The following XPO4 variants were observed in gnomAD, a reference collection of about 807,000 sequenced individuals.
XPO4 encodes the protein exportin-4.
In XPO4, 39 loss-of-function variants were observed where a neutral mutation model predicts 143.0. The observed-to-expected ratio is 0.27, with a 90% confidence interval of 0.21 to 0.36. The LOEUF (loss-of-function observed/expected upper bound fraction) is 0.36. Ranked by LOEUF, XPO4 falls within the 10% of genes least tolerant of loss-of-function variation. The pLI is 1.00. For synonymous variants in XPO4, 439 were observed against 474.0 expected, an observed-to-expected ratio of 0.93 and a Z score of 0.96; for missense variants, 907 against 1,348.0, an observed-to-expected ratio of 0.67 and a Z score of 5.12.
In XPO4 at chr13:20,779,829, T is replaced by C. The variant is rs2059121185; in HGVS notation, c.*3893A>G. Reference sequence around the variant, plus strand: ...ATCAACAAAGCATACTTCATATATTTTATATCTAAATGAAAATATGCTTAA... The same window carrying C: ...ATCAACAAAGCATACTTCATATATTCTATATCTAAATGAAAATATGCTTAA... On this transcript the variant is annotated 3_prime_UTR_variant, in exon 23 of 23. Transcript: ENST00000255305. 6.5e-6 allele frequency: 1 copy of C among 152,746 alleles called. No individual in the cohort carries two copies. The highest frequency in any genetic ancestry group is 1.5e-5 in the Non-Finnish European group (1 of 68,030). The allele number at this position is 152,746 out of a possible 1,614,324, so 9.5% of individuals were successfully genotyped here. A position where few individuals can be genotyped will look rare whatever the true frequency, so the allele number is the denominator to read the frequency against.
At chr13:20,832,766 G>C (rs1038709725) in intron 6 of XPO4, among the ~76,000 whole-genome samples, 2 of 152,116 alleles carry the variant, frequency 1.3e-5, no homozygotes, top group Non-Finnish European at 2.9e-5. Flanking sequence ...CAAATCCTTT[G>C]AAATACATGA....
Position 20,862,775 on chromosome 13 carries a change from T to C in XPO4, c.259A>G (p.Lys87Glu). 1.2e-6 allele frequency: 2 copies of C among 1,614,204 alleles called. No homozygotes were observed. Among genetic ancestry groups the C allele is most frequent in the Non-Finnish European group, 1.7e-6 (2 of 1,180,034 alleles). ...AVVREWILLE[K>E]GSIESLRTFL... ...GTTCGCAGAGACTCGATGCTACCTT[T>C]TTCCAAGAGAATCCACTCTCGGACA... The change falls in exon 3 of 23, where the codon AAA becomes GAA. Residue 87 changes from lysine to glutamate, a missense_variant. Lys to Glu is a moderately conservative substitution (Grantham distance 56). Transcript: ENST00000255305.
intron 1 of XPO4, among the ~76,000 whole-genome samples, chr13:20,873,802 C>T (rs2138144532): frequency 6.6e-6 from 1 of 152,182 alleles, no homozygotes; most frequent in African/African-American, 2.4e-5. Flanking sequence ...AGCTAATTTT[C>T]TACAGGACCT....
At chr13:20,882,072 T>C (rs1052068429) in intron 1 of XPO4, among the ~76,000 whole-genome samples, 40 of 136,712 alleles carry the variant, frequency 2.9e-4, no homozygotes, top group African/African-American at 9.8e-4. Context: ...ATCACACCAC[T>C]GCACTCCAGC....
intron 4 of XPO4, chr13:20,852,313 C>T (rs745437398): frequency 2.7e-5 from 27 of 985,362 alleles, no homozygotes; most frequent in Non-Finnish European, 3.3e-5. Context: ...ATATGAAGTG[C>T]AACTTGATTC....
chr13:20,843,389 A>G (rs1274582747), intron 5 of XPO4, among the ~76,000 whole-genome samples: 1 of 152,238 alleles, frequency 6.6e-6, no homozygotes, highest in African/African-American at 2.4e-5. Flanking sequence ...CAAACAATAC[A>G]TACAAGACAA....
At chr13:20,837,636 T>C (rs990136908) in intron 6 of XPO4, among the ~76,000 whole-genome samples, 3 of 152,006 alleles carry the variant, frequency 2.0e-5, no homozygotes, top group South Asian at 2.1e-4. Flanking sequence ...ATACCCGAGA[T>C]TGAGCAATTT....
intron 6 of XPO4, among the ~76,000 whole-genome samples, chr13:20,830,491 C>T (rs1463572793): frequency 6.6e-6 from 1 of 152,066 alleles, no homozygotes; most frequent in African/African-American, 2.4e-5. Context: ...CTGGTTATAC[C>T]ACTAATAATA....
At chr13:20,882,044 A>G (rs974484477) in intron 1 of XPO4, among the ~76,000 whole-genome samples, 29 of 147,766 alleles carry the variant, frequency 2.0e-4, no homozygotes, top group African/African-American at 7.2e-4. Flanking sequence ...TGGAAGGTAG[A>G]GGTTGCAGTG....
intron 4 of XPO4, chr13:20,848,202 G>T: frequency 1.0e-6 from 1 of 970,802 alleles, no homozygotes; most frequent in Non-Finnish European, 1.2e-6. Flanking sequence ...TCACAGGTTA[G>T]AAACCAAATA....
chr13:20,879,926 T>G (rs1566623470), intron 1 of XPO4, among the ~76,000 whole-genome samples: 2 of 152,160 alleles, frequency 1.3e-5, no homozygotes, highest in South Asian at 4.1e-4. Context: ...CAGACATTTC[T>G]CCAAAGAAGA....
chr13:20,842,714 G>A (rs1288004865), intron 6 of XPO4, among the ~76,000 whole-genome samples, 181 bp downstream of exon 6: 1 of 151,968 alleles, frequency 6.6e-6, no homozygotes, highest in Admixed American at 6.6e-5. Context: ...AAATCTTCTA[G>A]TATTATCCTA....
intron 22 of XPO4, among the ~76,000 whole-genome samples, chr13:20,785,976 G>GGAAGGAAGGAAGGAAGGA (rs1193163197): frequency 7.0e-6 from 1 of 141,938 alleles, no homozygotes; most frequent in African/African-American, 2.6e-5. Flanking sequence ...AAGAAAAAGA[G>GGAAGGAAGGAAGGAAGGA]AGGAAGGAAG....
In XPO4 at chr13:20,843,520, A is replaced by G. The variant is rs189455783; in HGVS notation, c.573+250T>C. On this transcript the variant is annotated intron_variant, in intron 5 of 22. Transcript: ENST00000255305. ...TTAGTTATATCTAAACACAATAAGA[A>G]ATAAATAATAAACTAAAGATCTTTA... is the stretch of plus-strand genomic sequence containing the variant. Among the ~76,000 whole-genome samples the G allele has an allele frequency of 9.8e-4, 148 of 150,276 alleles. No individual in the cohort carries two copies. The East Asian group carries it at 0.028, about 28-fold the overall frequency.
At chr13:20,802,973 CT>C (rs2059454835) in intron 13 of XPO4, among the ~76,000 whole-genome samples, 1 of 152,180 alleles carries the variant, frequency 6.6e-6, no homozygotes, top group South Asian at 2.1e-4. Flanking sequence ...TAGTAGGGTT[CT>C]TTCCCCACTT....
At chr13:20,818,487 A>C (rs1416588461) in intron 9 of XPO4, among the ~76,000 whole-genome samples, 1 of 152,224 alleles carries the variant, frequency 6.6e-6, no homozygotes, top group Non-Finnish European at 1.5e-5. Flanking sequence ...AAAAGATGAT[A>C]ATCTGTATAT....
intron 2 of XPO4, among the ~76,000 whole-genome samples, chr13:20,864,514 G>A (rs1310859144): frequency 6.6e-6 from 1 of 152,094 alleles, no homozygotes; most frequent in Non-Finnish European, 1.5e-5. Flanking sequence ...CATTTTACAG[G>A]AGCTGAAGGA....
At chr13:20,888,594 T>C (rs1460547158) in intron 1 of XPO4, among the ~76,000 whole-genome samples, 1 of 152,144 alleles carries the variant, frequency 6.6e-6, no homozygotes, top group Admixed American at 6.6e-5. Flanking sequence ...TGGGCTCAAG[T>C]GATCTGCTTG....
At chr13:20,847,866 T>C (rs2060043545) in intron 4 of XPO4, among the ~76,000 whole-genome samples, 2 of 152,244 alleles carry the variant, frequency 1.3e-5, no homozygotes, top group Admixed American at 1.3e-4. Flanking sequence ...ATACTTCACT[T>C]ATCTAAGATC....
Sources: allele counts gnomAD v4.1 joint callset (sites outside exome capture counted in the v4.1 genomes callset), GRCh38; gene constraint gnomAD v4.1.1; transcripts MANE v1.5; gene names NCBI Gene and HGNC (gene_info 2026-07-23, HGNC 2026-07-21).